The following CPM variants were observed in gnomAD, a reference collection of about 807,000 sequenced individuals.
CPM encodes renal carboxypeptidase.
CPM carries 35 observed loss-of-function variants against 46.4 expected under a neutral mutation model. That is an observed-to-expected ratio of 0.75 (90% CI 0.58 to 1.00). CPM has a LOEUF of 1.00. CPM is among the 50% of genes least tolerant of loss of function. The pLI is 0.00. For synonymous variants in CPM, 195 were observed against 195.3 expected (o/e 1.00, Z 0.01); for missense variants, 422 against 530.4 (o/e 0.80, Z 2.01).
intron 5 of CPM, chr12:68,842,845 C>A: frequency 4.9e-6 from 1 of 203,510 alleles, no homozygotes. Context: ...TGTCTTAGAA[C>A]AAAATGGCCT....
In CPM at chr12:68,856,885, G is replaced by A. The variant is rs191826603; in HGVS notation, c.1090-206C>T. Among the ~76,000 whole-genome samples, 33 of 152,270 alleles carry A rather than the reference G, an allele frequency of 2.2e-4. No homozygotes were observed. The East Asian group carries it at 5.8e-3, about 27-fold the overall frequency. ...AGAGACCAGCGTTGTGAATGCTGTT[G>A]CCAAGAATTACAAAATGAAATAAGG... On this transcript the variant is annotated intron_variant, in intron 8 of 8. Coordinates refer to ENST00000551568, the MANE Select transcript of CPM (RefSeq NM_198320.5).
intron 7 of CPM, among the ~76,000 whole-genome samples, chr12:68,861,949 T>C (rs538444673): frequency 1.1e-4 from 16 of 148,464 alleles, no homozygotes; most frequent in Admixed American, 2.7e-4. Context: ...CATGGTACCC[T>C]TTAAAAAAAG....
At chr12:68,942,199 TGTTTGTTATGCAA>T (rs1888776358) in intron 1 of CPM, among the ~76,000 whole-genome samples, 1 of 152,262 alleles carries the variant, frequency 6.6e-6, no homozygotes, top group South Asian at 2.1e-4. Context: ...CTGTGTTTTC[TGTTTGTTATGCAA>T]GTTGTCTATC....
intron 6 of CPM, among the ~76,000 whole-genome samples, chr12:68,868,481 G>A (rs1224557500): frequency 2.0e-5 from 3 of 152,160 alleles, no homozygotes; most frequent in Non-Finnish European, 4.4e-5. Flanking sequence ...TCAGGCTAAC[G>A]AGTCTAAAAG....
chr12:68,955,438 C>T (rs1888998974), intron 1 of CPM, among the ~76,000 whole-genome samples: 1 of 151,902 alleles, frequency 6.6e-6, no homozygotes, highest in Non-Finnish European at 1.5e-5. Context: ...CAGGTCTGTG[C>T]TCCCCAAAGG....
At position 68,915,140 on chromosome 12, in the gene CPM, T is replaced by C. The variant is rs144544205; in HGVS notation, c.160+17538A>G. On this transcript the variant is annotated intron_variant, in intron 2 of 8. Transcript: ENST00000551568. ...CATAGTTCCCATGGGGCTACAAATA[T>C]TGCCAATTTTAGTGAGAAATTACGT... Among the ~76,000 whole-genome samples the C allele has an allele frequency of 1.2e-4, 19 of 152,258 alleles. No individual in the cohort carries two copies. The East Asian group carries it at 3.1e-3, about 25-fold the overall frequency.
intron 2 of CPM, among the ~76,000 whole-genome samples, chr12:68,926,662 T>C (rs913389774): frequency 1.3e-5 from 2 of 152,074 alleles, no homozygotes; most frequent in African/African-American, 4.8e-5. Flanking sequence ...GCTGCACCCA[T>C]TAACTCGTCA....
intron 2 of CPM, among the ~76,000 whole-genome samples, chr12:68,902,415 A>G (rs1385718572): frequency 6.6e-6 from 1 of 152,224 alleles, no homozygotes; most frequent in Non-Finnish European, 1.5e-5. Context: ...AGCACTTGGC[A>G]ATGATGCTCT....
intron 1 of CPM, among the ~76,000 whole-genome samples, chr12:68,944,278 C>T (rs1888808182): frequency 6.6e-6 from 1 of 152,134 alleles, no homozygotes; most frequent in African/African-American, 2.4e-5. Context: ...ACATAGTCCT[C>T]ACTTTGATAG....
Position 68,859,055 on chromosome 12 carries a change from A to G in CPM, c.957T>C (p.Val319=). The change falls in exon 8 of 9, where the codon GTT becomes GTC. Residue 319 remains valine, a synonymous_variant. Coordinates refer to ENST00000551568, the MANE Select transcript of CPM (RefSeq NM_198320.5). The part of the protein sequence containing the change: ...KQVHLGVKGQ[V]FDQNGNPLPN... The stretch of plus-strand genomic sequence containing the variant: ...GTAATGGATTTCCATTCTGATCAAA[A>G]ACTTGACCCTTTACACCTGCAAGAC... 2 of 1,525,518 alleles carry G rather than the reference A, an allele frequency of 1.3e-6. No homozygotes were observed. The highest frequency in any genetic ancestry group is 1.8e-6 in the Non-Finnish European group (2 of 1,138,618). The allele number at this position is 1,525,518 out of a possible 1,614,324, so 94.5% of individuals were successfully genotyped here. A position where few individuals can be genotyped will look rare whatever the true frequency, so the allele number is the denominator to read the frequency against.
At chr12:68,915,611 C>T (rs534479455) in intron 2 of CPM, among the ~76,000 whole-genome samples, 4 of 152,332 alleles carry the variant, frequency 2.6e-5, no homozygotes, top group African/African-American at 7.2e-5. Flanking sequence ...TTGACTGTAA[C>T]GAACAAAGCC....
intron 3 of CPM, among the ~76,000 whole-genome samples, chr12:68,873,667 C>CAAA (rs34150942): frequency 1.0e-4 from 7 of 69,248 alleles, no homozygotes; most frequent in Non-Finnish European, 1.0e-4. Flanking sequence ...GACCCTGTCT[C>CAAA]AAAAAAAAAA....
intron 1 of CPM, among the ~76,000 whole-genome samples, chr12:68,944,179 A>G (rs1384152926): frequency 1.3e-5 from 2 of 152,196 alleles, no homozygotes; most frequent in Non-Finnish European, 2.9e-5. Context: ...CTCATGATTA[A>G]TTGGTTCATT....
upstream of CPM, among the ~76,000 whole-genome samples, chr12:68,935,327 C>A (rs1888656893): frequency 6.6e-6 from 1 of 152,034 alleles, no homozygotes; most frequent in South Asian, 2.1e-4. Flanking sequence ...GTGGTGCAAT[C>A]TCAGCTCACT....
At chr12:68,935,450 A>G (rs530183048), upstream of CPM, among the ~76,000 whole-genome samples, 165 of 150,720 alleles carry the variant, frequency 1.1e-3, no homozygotes, top group Non-Finnish European at 2.0e-3. Flanking sequence ...TACACCACAC[A>G]TGCCTAACTT....
downstream of CPM, chr12:68,850,005 TG>T (rs1332727829): frequency 1.3e-5 from 2 of 152,136 alleles, no homozygotes; most frequent in African/African-American, 2.4e-5. Flanking sequence ...AACCCTTGGC[TG>T]GGGGGTGATG....
chr12:68,871,342 A>G (rs956427121), intron 4 of CPM, among the ~76,000 whole-genome samples: 2 of 152,186 alleles, frequency 1.3e-5, no homozygotes, highest in Non-Finnish European at 2.9e-5. Flanking sequence ...GAAATTAGAT[A>G]TTAAAAGTTG....
chr12:68,948,708 C>T (rs375919162), intron 1 of CPM, among the ~76,000 whole-genome samples: 11 of 152,092 alleles, frequency 7.2e-5, no homozygotes, highest in East Asian at 1.9e-4. Context: ...CTCAGTAATA[C>T]GAGAAATTGC....
chr12:68,903,226 T>A (rs1592678649), intron 2 of CPM, among the ~76,000 whole-genome samples: 1 of 152,362 alleles, frequency 6.6e-6, no homozygotes, highest in East Asian at 1.9e-4. Context: ...GATCACATGT[T>A]TTTTCCTGAG....
Sources: allele counts gnomAD v4.1 joint callset (sites outside exome capture counted in the v4.1 genomes callset), GRCh38; gene constraint gnomAD v4.1.1; transcripts MANE v1.5; gene names NCBI Gene and HGNC (gene_info 2026-07-23, HGNC 2026-07-21).